OPCML: variants seen among roughly 807,000 people sequenced by gnomAD.
OPCML encodes the protein opioid-binding protein/cell adhesion molecule.
Under a neutral mutation model 37.8 loss-of-function variants are expected in OPCML, and 13 were observed. The observed-to-expected ratio is 0.34, with a 90% CI of 0.22 to 0.55. The LOEUF is 0.55. Ranked by LOEUF, OPCML falls within the 20% of genes least tolerant of loss-of-function variation. The pLI, the probability that OPCML is intolerant of heterozygous loss-of-function variation, is 0.91. For synonymous variants in OPCML, 176 were observed against 168.8 expected, an observed-to-expected ratio of 1.04 and a Z score of -0.33; for missense variants, 341 against 435.6, an observed-to-expected ratio of 0.78 and a Z score of 1.93.
At chr11:133,487,523 C>T (rs1947554907) in intron 1 of OPCML, among the ~76,000 whole-genome samples, 1 of 152,108 alleles carries the variant, frequency 6.6e-6, no homozygotes, top group Non-Finnish European at 1.5e-5. Context: ...ATTTGATCAA[C>T]CTGGTGTTTT....
chr11:132,427,653 C>G (rs1455762810), intron 7 of OPCML, among the ~76,000 whole-genome samples: 1 of 152,202 alleles, frequency 6.6e-6, no homozygotes, highest in Admixed American at 6.5e-5. Context: ...GAAGTTAATT[C>G]AAATCCGTCA....
chr11:133,513,858 T>G (rs564760025), intron 1 of OPCML, among the ~76,000 whole-genome samples: 2 of 152,314 alleles, frequency 1.3e-5, no homozygotes, highest in African/African-American at 4.8e-5. Flanking sequence ...ATTCATGAGC[T>G]GCATTACAGA....
chr11:133,064,504 A>G (rs1948406604), intron 1 of OPCML, among the ~76,000 whole-genome samples: 1 of 152,182 alleles, frequency 6.6e-6, no homozygotes, highest in African/African-American at 2.4e-5. Context: ...CCTACCAGAG[A>G]CTGTCGCTGG....
intron 1 of OPCML, among the ~76,000 whole-genome samples, chr11:133,209,618 G>A (rs1181858641): frequency 6.6e-6 from 1 of 152,174 alleles, no homozygotes; most frequent in Non-Finnish European, 1.5e-5. Context: ...TTCTGATAGA[G>A]GAACGTTGCT....
chr11:132,922,884 C>T (rs529394200), intron 2 of OPCML, among the ~76,000 whole-genome samples: 22 of 151,016 alleles, frequency 1.5e-4, no homozygotes, highest in Admixed American at 7.9e-4. Context: ...AGTCTAGCAA[C>T]GCAGGGAGAC....
chr11:133,368,999 A>G (rs947992864), intron 1 of OPCML, among the ~76,000 whole-genome samples: 1 of 152,264 alleles, frequency 6.6e-6, no homozygotes, highest in Non-Finnish European at 1.5e-5. Flanking sequence ...CAAAAGAATA[A>G]TACTAAAAAT....
intron 1 of OPCML, among the ~76,000 whole-genome samples, chr11:133,095,046 T>C (rs1043200528): frequency 3.1e-4 from 47 of 151,946 alleles, no homozygotes; most frequent in African/African-American, 1.1e-3. Flanking sequence ...CAAGGGGAAA[T>C]CAAGAGTGTC....
At chr11:132,887,433 G>T (rs1442559413) in intron 2 of OPCML, among the ~76,000 whole-genome samples, 3 of 152,142 alleles carry the variant, frequency 2.0e-5, no homozygotes, top group African/African-American at 7.2e-5. Context: ...GGAGGAACAA[G>T]AAATAAAATG....
At chr11:133,309,240 AG>A (rs1943010526) in intron 1 of OPCML, among the ~76,000 whole-genome samples, 1 of 152,208 alleles carries the variant, frequency 6.6e-6, no homozygotes, top group Non-Finnish European at 1.5e-5. Flanking sequence ...CCAAGGGATC[AG>A]GGATAACATC....
chr11:132,420,985 T>TTC (rs35522430), intron 7 of OPCML, among the ~76,000 whole-genome samples: 11 of 150,254 alleles, frequency 7.3e-5, no homozygotes, highest in South Asian at 2.1e-4. Context: ...TTTTTCTAGC[T>TTC]TCTCTCTCTC....
rs150475822 is a variant in OPCML at position 132,437,517 on chromosome 11, G to A, written c.506-158C>T. Reference sequence around the variant, plus strand: ...ACATAGGGCATCATGTTGCTCAAAAGATACGGCAAAGGAAGAAAGAAATTC... The same window carrying A: ...ACATAGGGCATCATGTTGCTCAAAAAATACGGCAAAGGAAGAAAGAAATTC... On this transcript the variant is annotated intron_variant, in intron 4 of 7. Transcript: ENST00000524381. 2,513 of 980,486 alleles carry A rather than the reference G, an allele frequency of 2.6e-3. 3 individuals carry two copies. The highest frequency in any genetic ancestry group is 2.9e-3 in the Non-Finnish European group (2,367 of 825,420). 60.7% of individuals were successfully genotyped at this position (980,486 alleles called of 1,614,324 possible).
intron 2 of OPCML, among the ~76,000 whole-genome samples, chr11:132,868,616 A>T (rs578122365): frequency 7.9e-5 from 12 of 152,128 alleles, no homozygotes; most frequent in African/African-American, 2.9e-4. Flanking sequence ...GGAAGAACAC[A>T]GTTGCACCAA....
intron 4 of OPCML, among the ~76,000 whole-genome samples, chr11:132,503,237 T>G (rs2096249435): frequency 6.6e-6 from 1 of 152,162 alleles, no homozygotes; most frequent in African/African-American, 2.4e-5. Context: ...GAGGCTACAC[T>G]TTTTTCCTGA....
chr11:133,229,675 ACATAGTATATG>A (rs1160594633), intron 1 of OPCML, among the ~76,000 whole-genome samples: 1 of 152,294 alleles, frequency 6.6e-6, no homozygotes, highest in South Asian at 2.1e-4. Context: ...AAAAAGATGT[ACATAGTATATG>A]CAGGATTTGG....
At chr11:133,197,524 T>A (rs981237902) in intron 1 of OPCML, among the ~76,000 whole-genome samples, 3 of 152,154 alleles carry the variant, frequency 2.0e-5, no homozygotes, top group Non-Finnish European at 4.4e-5. Context: ...CTGCTTCTCA[T>A]GGGTGACTAA....
At chr11:132,661,812 T>C (rs144655899) in intron 2 of OPCML, among the ~76,000 whole-genome samples, 25 of 152,368 alleles carry the variant, frequency 1.6e-4, no homozygotes, top group Non-Finnish European at 3.4e-4. Flanking sequence ...TTTCAATATA[T>C]CAAATCATTC....
chr11:133,310,188 G>C (rs1355353246), intron 1 of OPCML, among the ~76,000 whole-genome samples: 1 of 152,162 alleles, frequency 6.6e-6, no homozygotes, highest in Non-Finnish European at 1.5e-5. Flanking sequence ...TTGTGGAAAA[G>C]GGGTATGGCT....
chr11:132,508,098 T>C lies in OPCML; in HGVS notation c.505+20963A>G, dbSNP rs534476154. Among the ~76,000 whole-genome samples the C allele has an allele frequency of 1.1e-3, 171 of 152,264 alleles. 1 individual carries two copies. The highest frequency in any genetic ancestry group is 3.7e-3 in the African/African-American group (154 of 41,578). The stretch of plus-strand genomic sequence containing the variant: ...AACACTAGAAATATTGCTATTACAA[T>C]AATAAAAATGGCAAAGTAACCGTTA... On this transcript the variant is annotated intron_variant, in intron 4 of 7. Transcript: ENST00000524381.
At chr11:133,168,797 A>G (rs1474400387) in intron 1 of OPCML, among the ~76,000 whole-genome samples, 1 of 152,196 alleles carries the variant, frequency 6.6e-6, no homozygotes, top group Admixed American at 6.5e-5. Flanking sequence ...AATTCTTTAT[A>G]CATGTTACAT....
Sources: gnomAD v4.1 joint callset for allele counts (sites outside exome capture counted in the v4.1 genomes callset) on GRCh38, gnomAD v4.1.1 for gene constraint, MANE v1.5 for transcripts, NCBI Gene and HGNC (gene_info 2026-07-23, HGNC 2026-07-21) for gene names.